The following ZEB2 variants were observed in gnomAD, a reference collection of about 807,000 sequenced individuals.
The protein encoded by ZEB2 is zinc finger E-box-binding homeobox 2.
ZEB2 carries 6 observed loss-of-function variants against 99.9 expected under a neutral mutation model. The ratio of observed to expected loss-of-function variants is 0.06; its 90% CI spans 0.03 to 0.12. ZEB2 has a LOEUF of 0.12. Ranked by LOEUF, ZEB2 falls within the 10% of genes least tolerant of loss-of-function variation. The pLI is 1.00. For missense variants in ZEB2, 969 were observed against 1,502.8 expected (o/e 0.64, Z 5.87); for synonymous variants, 517 against 542.5 (o/e 0.95, Z 0.65).
chr2:144,484,185 T>TTGTGTGTGTGTG (rs10529605), intron 2 of ZEB2, among the ~76,000 whole-genome samples: 4,066 of 142,498 alleles, frequency 0.029, 247 homozygotes, highest in Admixed American at 0.15. Context: ...AAATCTGGAT[T>TTGTGTGTGTGTG]TGTGTGTGTG....
At chr2:144,483,162 A>ATGCG (rs1209288464) in intron 2 of ZEB2, among the ~76,000 whole-genome samples, 1 of 140,116 alleles carries the variant, frequency 7.1e-6, no homozygotes. Flanking sequence ...ACACACACAC[A>ATGCG]CATACCCTAA....
chr2:144,408,089 C>A (rs544462474), intron 4 of ZEB2, among the ~76,000 whole-genome samples: 1 of 152,188 alleles, frequency 6.6e-6, no homozygotes, highest in Non-Finnish European at 1.5e-5. Context: ...ATTGCTAGAT[C>A]AAATTTGGCT....
At chr2:144,504,863 C>T (rs1704930920) in intron 2 of ZEB2, among the ~76,000 whole-genome samples, 1 of 152,116 alleles carries the variant, frequency 6.6e-6, no homozygotes. Flanking sequence ...ATGAATATTT[C>T]ATTACTTTAA....
intron 4 of ZEB2, among the ~76,000 whole-genome samples, chr2:144,424,188 A>G (rs1175235961): frequency 1.3e-5 from 2 of 152,220 alleles, no homozygotes; most frequent in African/African-American, 4.8e-5. Context: ...AACACCACTC[A>G]GTATCTTCCC....
At chr2:144,479,063 A>G (rs1438468974) in intron 2 of ZEB2, among the ~76,000 whole-genome samples, 1 of 152,238 alleles carries the variant, frequency 6.6e-6, no homozygotes, top group East Asian at 1.9e-4. Flanking sequence ...TGCTACAATA[A>G]AATCAAACGT....
rs1403782189 is a variant in ZEB2 at position 144,389,784 on chromosome 2, G to A, written c.3312C>T (p.Thr1104=). 6.2e-7 allele frequency: 1 copy of A among 1,609,866 alleles called. No individual in the cohort carries two copies. Among genetic ancestry groups the A allele is most frequent in the Non-Finnish European group, 8.5e-7 (1 of 1,177,182 alleles). The change falls in exon 10 of 10, where the codon ACC becomes ACT. Residue 1104 remains threonine, a synonymous_variant. Transcript: ENST00000627532. This position sits in a 1 kb window ranked among gnomAD's most constrained non-coding sequence, Gnocchi z 6.8. ...EAREKGHLEP[T]ELLMNRAYLQ... ...AGTAAGCCCGGTTCATCAGCAGCTC[G>A]GTGGGTTCCAAGTGCCCTTTCTCGC...
intron 2 of ZEB2, among the ~76,000 whole-genome samples, chr2:144,431,854 C>A (rs867992863): frequency 6.8e-6 from 1 of 147,752 alleles, no homozygotes; most frequent in Non-Finnish European, 1.5e-5. Flanking sequence ...AATGGGGGGG[C>A]TACAACAAAA....
intron 2 of ZEB2, among the ~76,000 whole-genome samples, chr2:144,481,083 A>C (rs147638952): frequency 6.6e-6 from 1 of 152,332 alleles, no homozygotes; most frequent in Non-Finnish European, 1.5e-5. Flanking sequence ...GACAAAGGCC[A>C]GCATTTATAG....
At chr2:144,434,430 G>T (rs540927139) in intron 2 of ZEB2, among the ~76,000 whole-genome samples, 3 of 152,308 alleles carry the variant, frequency 2.0e-5, no homozygotes, top group African/African-American at 4.8e-5. Flanking sequence ...CTTTGACAAA[G>T]GAGGTAATAC....
Position 144,399,129 on chromosome 2 carries a change from T to C in ZEB2, c.2058A>G (p.Glu686=). The change falls in exon 8 of 10, where the codon GAA becomes GAG. Residue 686 remains glutamate, a synonymous_variant. Coordinates refer to ENST00000627532, the MANE Select transcript of ZEB2 (RefSeq NM_014795.4). This position sits in a 1 kb window ranked among gnomAD's most constrained non-coding sequence, Gnocchi z 5.6. ...GTTGTTCAAACCATTCCTTCACAAA[T>C]TCCTGAGGAAGGCCCACAGCAATGG... ...KISIAVGLPQ[E]FVKEWFEQRK... 6.2e-7 allele frequency: 1 copy of C among 1,614,142 alleles called. No homozygotes were observed. Among genetic ancestry groups the C allele is most frequent in the South Asian group, 1.1e-5 (1 of 91,086 alleles).
intron 2 of ZEB2, among the ~76,000 whole-genome samples, chr2:144,511,138 C>T (rs754178758): frequency 1.5e-4 from 23 of 152,254 alleles, no homozygotes; most frequent in South Asian, 4.1e-4. Context: ...GGACCACACG[C>T]GAAATCAGAC....
chr2:144,482,602 G>T (rs1217709973), intron 2 of ZEB2, among the ~76,000 whole-genome samples: 4 of 151,942 alleles, frequency 2.6e-5, no homozygotes, highest in African/African-American at 4.8e-5. Context: ...TCAGATTTCT[G>T]GCCTGCAGGT....
intron 2 of ZEB2, among the ~76,000 whole-genome samples, chr2:144,509,673 G>A (rs1233218183): frequency 1.3e-5 from 2 of 151,962 alleles, no homozygotes. Context: ...TCTAATTGTT[G>A]GGAGAAAATT....
intron 2 of ZEB2, chr2:144,462,398 A>G (rs1704206285): frequency 6.6e-6 from 1 of 152,232 alleles, no homozygotes; most frequent in South Asian, 2.1e-4. Flanking sequence ...AGCAAAAACA[A>G]AACAAAAACA....
chr2:144,513,718 G>C (rs746438117), intron 2 of ZEB2: 1 of 1,536,002 alleles, frequency 6.5e-7, no homozygotes, highest in Non-Finnish European at 8.7e-7. Context: ...AACAAACTTT[G>C]CAAGTTACAA....
intron 2 of ZEB2, among the ~76,000 whole-genome samples, chr2:144,472,364 A>G (rs1704369942): frequency 6.6e-6 from 1 of 152,146 alleles, no homozygotes; most frequent in Non-Finnish European, 1.5e-5. Context: ...TGTTAGAACC[A>G]GATTTTTAAA....
intron 2 of ZEB2, among the ~76,000 whole-genome samples, chr2:144,477,922 G>A (rs925204315): frequency 6.6e-6 from 1 of 152,172 alleles, no homozygotes; most frequent in African/African-American, 2.4e-5. Flanking sequence ...TCTTTTCCTA[G>A]AATCTATTGC....
At chr2:144,460,537 T>C (rs931652520) in intron 2 of ZEB2, among the ~76,000 whole-genome samples, 13 of 152,148 alleles carry the variant, frequency 8.5e-5, no homozygotes, top group Admixed American at 3.9e-4. Flanking sequence ...AATATTCACA[T>C]TGCTGCTCTG....
intron 4 of ZEB2, among the ~76,000 whole-genome samples, chr2:144,407,564 A>G (rs911427196): frequency 6.6e-6 from 1 of 152,212 alleles, no homozygotes; most frequent in Non-Finnish European, 1.5e-5. Flanking sequence ...GATCTATCAA[A>G]AAATCACCTT....
Sources: gnomAD v4.1 joint callset for allele counts (sites outside exome capture counted in the v4.1 genomes callset) on GRCh38, gnomAD v4.1.1 for gene constraint, Gnocchi (gnomAD v3.1) non-coding constraint, MANE v1.5 for transcripts, NCBI Gene and HGNC (gene_info 2026-07-23, HGNC 2026-07-21) for gene names.